Variants in NAA16 observed in about 807,000 individuals in gnomAD.
NAA16 encodes the protein N-alpha-acetyltransferase 16, NatA auxiliary subunit, also known as NARG1-like protein.
NAA16 carries 97 observed loss-of-function variants against 110.3 expected under a neutral mutation model. That is an observed-to-expected ratio of 0.88 (90% confidence interval 0.75 to 1.04). The LOEUF (loss-of-function observed/expected upper bound fraction) is 1.04, where lower values mean the gene tolerates loss of function less well. Among genes scored for constraint, NAA16 ranks in the 50% least tolerant of loss-of-function variants. The pLI, the probability that NAA16 is intolerant of heterozygous loss-of-function variation, is 0.00. For missense variants in NAA16, 1,017 were observed against 1,005.1 expected (o/e 1.01, Z -0.16); for synonymous variants, 372 against 330.6 (o/e 1.13, Z -1.36).
At chr13:41,331,764 GTA>G (rs1298966334) in intron 8 of NAA16, among the ~76,000 whole-genome samples, 1 of 152,006 alleles carries the variant, frequency 6.6e-6, no homozygotes, top group African/African-American at 2.4e-5. Context: ...ACAATATACT[GTA>G]TATTTCAGGA....
At chr13:41,343,326 G>C (rs929932128) in intron 9 of NAA16, among the ~76,000 whole-genome samples, 2 of 152,134 alleles carry the variant, frequency 1.3e-5, no homozygotes, top group Admixed American at 1.3e-4. Context: ...CTGGGCTCAA[G>C]TGATTCTCCT....
Position 41,372,242 on chromosome 13 carries a change from C to A in NAA16, c.1987C>A (p.Pro663Thr). The A allele has an allele frequency of 1.2e-6, 2 of 1,601,026 alleles. No individual in the cohort carries two copies. The highest frequency in any genetic ancestry group is 1.7e-6 in the Non-Finnish European group (2 of 1,174,776). ...PLEEAVKFLI[P>T]LKNLVADNID... ...AGAGGAAGCCGTTAAGTTCCTTATA[C>A]CTCTTAAGAACCTTGTTGCTGATAA... The change falls in exon 16 of 20, where the codon CCT becomes ACT. Residue 663 changes from proline to threonine, a missense_variant. Coordinates refer to ENST00000379406, the MANE Select transcript of NAA16 (RefSeq NM_024561.5).
intron 9 of NAA16, among the ~76,000 whole-genome samples, chr13:41,341,822 A>G (rs1268024983): frequency 7.1e-6 from 1 of 140,032 alleles, no homozygotes; most frequent in African/African-American, 2.6e-5. Context: ...TTCACATATT[A>G]TATCAGACCA....
chr13:41,376,343 G>GAAAAAA lies in NAA16; in HGVS notation c.*741_*742insAAAAAA. 6.6e-6 allele frequency: 1 copy of GAAAAAA among 152,208 alleles called. No individual in the cohort carries two copies. The highest frequency in any genetic ancestry group is 6.5e-5 in the Admixed American group (1 of 15,284). 9.4% of individuals were successfully genotyped at this position (152,208 alleles called of 1,614,324 possible). ...TGAAGTTTATTTGAAAATTTAATTC[G>GAAAAAA]TCCTTTTTTCATTGTAATATTTCAT... On this transcript the variant is annotated 3_prime_UTR_variant, in exon 20 of 20. Coordinates refer to ENST00000379406, the MANE Select transcript of NAA16 (RefSeq NM_024561.5).
intron 9 of NAA16, among the ~76,000 whole-genome samples, chr13:41,345,704 TC>T (rs935787367): frequency 2.6e-5 from 4 of 152,108 alleles, no homozygotes; most frequent in African/African-American, 9.7e-5. Context: ...CACCTCCACT[TC>T]CTGAGTATCT....
intron 9 of NAA16, among the ~76,000 whole-genome samples, chr13:41,349,512 G>A (rs565383785): frequency 7.9e-5 from 12 of 151,372 alleles, no homozygotes; most frequent in African/African-American, 2.7e-4. Context: ...TGTGCTATGT[G>A]TTACATATGT....
At chr13:41,331,680 A>G (rs2139415887) in intron 8 of NAA16, among the ~76,000 whole-genome samples, 1 of 152,192 alleles carries the variant, frequency 6.6e-6, no homozygotes, top group African/African-American at 2.4e-5. Context: ...GAGGTTGGTT[A>G]ATGGGTACAA....
At chr13:41,334,525 A>G (rs571200922) in intron 8 of NAA16, among the ~76,000 whole-genome samples, 19 of 152,366 alleles carry the variant, frequency 1.2e-4, no homozygotes, top group Admixed American at 9.1e-4. Flanking sequence ...TCATGTAAAT[A>G]TGGACATCAT....
intron 9 of NAA16, among the ~76,000 whole-genome samples, chr13:41,348,909 A>G (rs1011744288): frequency 6.6e-5 from 10 of 152,268 alleles, no homozygotes; most frequent in African/African-American, 2.2e-4. Context: ...TATTTCGTCT[A>G]TGTTATACAG....
At position 41,373,643 on chromosome 13, in the gene NAA16, A is replaced by G. The variant is rs1413750119; in HGVS notation, c.2162A>G (p.Asn721Ser). Residue 721 changes from asparagine to serine, a missense_variant, in exon 18 of 20, where the codon AAT becomes AGT. By Grantham distance (46) the Asn-to-Ser change is conservative (BLOSUM62 1). Coordinates refer to ENST00000379406, the MANE Select transcript of NAA16 (RefSeq NM_024561.5). ...CLIRFSKSVS[N>S]HSNLPDIVSK... Reference sequence around the variant, plus strand: ...AATGTTTTTGTTTTTATAGTGTCTAATCATAGTAATCTTCCAGACATTGTG... The same window carrying G: ...AATGTTTTTGTTTTTATAGTGTCTAGTCATAGTAATCTTCCAGACATTGTG... The G allele has an allele frequency of 6.3e-7, 1 of 1,597,776 alleles. No individual in the cohort carries two copies.
At chr13:41,356,161 G>T (rs2042976863) in intron 10 of NAA16, among the ~76,000 whole-genome samples, 1 of 152,132 alleles carries the variant, frequency 6.6e-6, no homozygotes, top group African/African-American at 2.4e-5. Flanking sequence ...GTGTGCGTGT[G>T]TGTGTGTGTG....
At chr13:41,351,856 T>C (rs969261679) in intron 9 of NAA16, among the ~76,000 whole-genome samples, 4 of 152,216 alleles carry the variant, frequency 2.6e-5, no homozygotes, top group African/African-American at 4.8e-5. Context: ...TTCTTGACTT[T>C]AAAATAATGG....
At chr13:41,370,429 G>A (rs1024822407) in intron 15 of NAA16, among the ~76,000 whole-genome samples, 3 of 152,194 alleles carry the variant, frequency 2.0e-5, no homozygotes, top group Non-Finnish European at 4.4e-5. Context: ...TTTAAGGCAG[G>A]AAGGGATAGG....
At chr13:41,335,329 T>G (rs2042352066) in intron 8 of NAA16, among the ~76,000 whole-genome samples, 1 of 152,212 alleles carries the variant, frequency 6.6e-6, no homozygotes, top group Non-Finnish European at 1.5e-5. Flanking sequence ...AGTGATGGTA[T>G]TGCCTTCATT....
At chr13:41,373,358 A>G (rs1465669558) in intron 17 of NAA16, 2 of 319,398 alleles carry the variant, frequency 6.3e-6, no homozygotes, top group African/African-American at 2.3e-5. Context: ...CCCGGGTTCA[A>G]GTGATTCTCC....
intron 5 of NAA16, among the ~76,000 whole-genome samples, chr13:41,324,550 A>C (rs183865041): frequency 6.6e-6 from 1 of 150,828 alleles, no homozygotes; most frequent in Non-Finnish European, 1.5e-5. Flanking sequence ...TAAGTTTTGT[A>C]TTTTTAGTAG....
chr13:41,372,317 A>T lies in NAA16; in HGVS notation c.2056+6A>T. On this transcript the variant is annotated splice_donor_region_variant and intron_variant, in intron 16 of 19. Transcript: ENST00000379406. Reference sequence around the variant, plus strand: ...TGAAATATATTTTAGAAAAGGTAATAAATAGTTTGAGTTCAGTTTTTAATC... The same window carrying T: ...TGAAATATATTTTAGAAAAGGTAATTAATAGTTTGAGTTCAGTTTTTAATC... 1 of 1,567,284 alleles carries T rather than the reference A, an allele frequency of 6.4e-7. No individual in the cohort carries two copies. Among genetic ancestry groups the T allele is most frequent in the Non-Finnish European group, 8.6e-7 (1 of 1,159,952 alleles).
rs2043336960 is a variant in NAA16, at chr13:41,372,276, C to T, written c.2021C>T (p.Thr674Ile). The T allele has an allele frequency of 6.3e-7, 1 of 1,599,440 alleles. No homozygotes were observed. The highest frequency in any genetic ancestry group is 8.5e-7 in the Non-Finnish European group (1 of 1,174,010). Residue 674 changes from threonine to isoleucine, a missense_variant, in exon 16 of 20, where the codon ACT becomes ATT. By Grantham distance (89) the Thr-to-Ile change is moderately conservative. Coordinates refer to ENST00000379406, the MANE Select transcript of NAA16 (RefSeq NM_024561.5). ...AACCTTGTTGCTGATAACATTGACA[C>T]TCATCTGTTAGCATTTGAAATATAT... ...LKNLVADNIDTHLLAFEIYFR... is the reference protein window; with the variant it reads ...LKNLVADNIDIHLLAFEIYFR...
intron 7 of NAA16, among the ~76,000 whole-genome samples, chr13:41,329,749 C>T (rs547585786): frequency 1.3e-4 from 19 of 151,958 alleles, no homozygotes; most frequent in South Asian, 6.2e-4. Flanking sequence ...AACAGCAAAG[C>T]TCATATGTGT....
Sources: allele counts gnomAD v4.1 joint callset (sites outside exome capture counted in the v4.1 genomes callset), GRCh38; gene constraint gnomAD v4.1.1; transcripts MANE v1.5; gene names NCBI Gene and HGNC (gene_info 2026-07-23, HGNC 2026-07-21).